The following AOX1 variants were observed in gnomAD, a reference collection of about 807,000 sequenced individuals.
AOX1 encodes aldehyde oxidase 1, also known as aldehyde oxidase.
In AOX1, 153 loss-of-function variants were observed where a neutral mutation model predicts 169.5. That is an observed-to-expected ratio of 0.90 (90% CI 0.79 to 1.03). The LOEUF (loss-of-function observed/expected upper bound fraction) is 1.03, where lower values mean the gene tolerates loss of function less well. AOX1 is among the 50% of genes least tolerant of loss of function. AOX1 has a pLI of 0.00. For missense variants in AOX1, 1,656 were observed against 1,663.9 expected, an observed-to-expected ratio of 1.00 and a Z score of 0.08; for synonymous variants, 562 against 581.9, an observed-to-expected ratio of 0.97 and a Z score of 0.49.
intron 10 of AOX1, among the ~76,000 whole-genome samples, chr2:200,606,951 C>T (rs2034530209): frequency 6.6e-6 from 1 of 152,154 alleles, no homozygotes; most frequent in South Asian, 2.1e-4. Flanking sequence ...GACTCCCTGT[C>T]TTCCTATTTG....
chr2:200,634,164 A>ATTTTTT (rs58341876), intron 20 of AOX1, among the ~76,000 whole-genome samples: 718 of 84,978 alleles, frequency 8.4e-3, no homozygotes, highest in South Asian at 0.011. Context: ...TTTCTTGAGG[A>ATTTTTT]TTTTTTTTTT....
chr2:200,659,931 T>C (rs2035788274), intron 28 of AOX1, 64 bp from the exon 29 acceptor site: 9 of 1,259,164 alleles, frequency 7.1e-6, no homozygotes, highest in Non-Finnish European at 9.2e-6. Flanking sequence ...ACATATTATG[T>C]TGTTTTGAAT....
chr2:200,667,094 G>A (rs1394892305), intron 32 of AOX1, among the ~76,000 whole-genome samples: 1 of 152,196 alleles, frequency 6.6e-6, no homozygotes, highest in East Asian at 1.9e-4. Flanking sequence ...CTTCAGCTTC[G>A]AGGAGTTTGA....
At chr2:200,639,212 C>G (rs2035302543) in intron 23 of AOX1, among the ~76,000 whole-genome samples, 1 of 152,216 alleles carries the variant, frequency 6.6e-6, no homozygotes. Flanking sequence ...TTGGGTATCA[C>G]TGCCCTACAA....
intron 19 of AOX1, 41 bp downstream of exon 19, chr2:200,624,024 GA>G: frequency 6.2e-7 from 1 of 1,609,534 alleles, no homozygotes; most frequent in Non-Finnish European, 8.5e-7. Flanking sequence ...TTGGGAGCCA[GA>G]ACAAATATCA....
intron 12 of AOX1, 98 bp downstream of exon 12, chr2:200,609,512 C>T (rs79229755): frequency 1.0e-6 from 1 of 996,012 alleles, no homozygotes. Flanking sequence ...TGACTTTTCC[C>T]TATAATATCA....
At chr2:200,598,410 C>G (rs1194611122) in intron 4 of AOX1, among the ~76,000 whole-genome samples, 2 of 152,074 alleles carry the variant, frequency 1.3e-5, no homozygotes, top group Non-Finnish European at 2.9e-5. Context: ...AAAAAGGCAT[C>G]TTCAGACACC....
At position 200,609,304 on chromosome 2, in the gene AOX1, C is replaced by G; in HGVS notation, c.1060-17C>G. 1 of 1,603,860 alleles carries G rather than the reference C, an allele frequency of 6.2e-7. No individual in the cohort carries two copies. Among genetic ancestry groups the G allele is most frequent in the Non-Finnish European group, 8.5e-7 (1 of 1,170,994 alleles). ...TTTATGATTACATAAATGAAAATAA[C>G]TCATTATTTTTAAAAGTCTTTAGGG... On this transcript the variant is annotated splice_polypyrimidine_tract_variant and intron_variant, in intron 11 of 34. Transcript: ENST00000374700.
chr2:200,588,510 T>C (rs2106362248), intron 1 of AOX1, among the ~76,000 whole-genome samples: 1 of 152,280 alleles, frequency 6.6e-6, no homozygotes, highest in East Asian at 1.9e-4. Context: ...ATAAGCTAGT[T>C]CTTATCTACG....
At chr2:200,617,292 A>G (rs1434404236) in intron 16 of AOX1, among the ~76,000 whole-genome samples, 1 of 152,162 alleles carries the variant, frequency 6.6e-6, no homozygotes, top group African/African-American at 2.4e-5. Context: ...GAGCAACGTC[A>G]GCACTCACGA....
At chr2:200,661,105 T>C (rs2035810297) in intron 29 of AOX1, among the ~76,000 whole-genome samples, 2 of 152,186 alleles carry the variant, frequency 1.3e-5, no homozygotes, top group African/African-American at 2.4e-5. Flanking sequence ...TTGGTGTAAA[T>C]GGTACAATTT....
At position 200,671,131 on chromosome 2, in the gene AOX1, A is replaced by AAT. The variant is rs1345707181; in HGVS notation, c.*456_*457dup. 6.5e-6 allele frequency: 1 copy of AAT among 154,726 alleles called. No individual in the cohort carries two copies. Among genetic ancestry groups the AAT allele is most frequent in the Non-Finnish European group, 1.4e-5 (1 of 69,620 alleles). 9.6% of individuals were successfully genotyped at this position (154,726 alleles called of 1,614,324 possible). A position where few individuals can be genotyped will look rare whatever the true frequency, so the allele number is the denominator to read the frequency against. On this transcript the variant is annotated 3_prime_UTR_variant, in exon 35 of 35. Coordinates refer to ENST00000374700, the MANE Select transcript of AOX1 (RefSeq NM_001159.4). ...CTATCACCTTCCTCTTGTCAGAATG[A>AAT]ATATAGACACTGTATCTAAGTGGGA... is the stretch of plus-strand genomic sequence containing the variant.
chr2:200,673,195 C>G (rs2036051896), downstream of AOX1, among the ~76,000 whole-genome samples: 1 of 152,268 alleles, frequency 6.6e-6, no homozygotes, highest in South Asian at 2.1e-4. Flanking sequence ...AGCCATGGGC[C>G]CTCTTTCCCA....
rs557077931 is a variant in AOX1 at position 200,607,310 on chromosome 2, C to A, written c.908-1674C>A. 4.6e-5 allele frequency among the ~76,000 whole-genome samples: 7 copies of A among 152,274 alleles called. No homozygotes were observed. In the South Asian group the frequency reaches 1.4e-3, roughly 32 times the overall value. ...TATTGATTTGCATATATTGAACCAG[C>A]CTTGCATCCCTGGGATGAAGCCAAC... On this transcript the variant is annotated intron_variant, in intron 10 of 34. Coordinates refer to ENST00000374700, the MANE Select transcript of AOX1 (RefSeq NM_001159.4).
intron 27 of AOX1, 146 bp downstream of exon 27, chr2:200,657,083 G>A (rs2035703535): frequency 7.4e-6 from 3 of 407,148 alleles, no homozygotes; most frequent in Admixed American, 4.8e-5. Flanking sequence ...CAGCATTTTG[G>A]GAGGCTGGGG....
intron 31 of AOX1, among the ~76,000 whole-genome samples, chr2:200,663,810 C>T (rs2035877280): frequency 6.6e-6 from 1 of 152,178 alleles, no homozygotes; most frequent in Non-Finnish European, 1.5e-5. Context: ...TAGAAGCAAG[C>T]TCTAGTTCTT....
chr2:200,615,954 A>G lies in AOX1; in HGVS notation c.1612-17A>G, dbSNP rs943518794. ...ATTCAAACTATTTAAAATATCTGCA[A>G]TGGTTCTACTTTTCAGGATCCAGTT... On this transcript the variant is annotated splice_polypyrimidine_tract_variant and intron_variant, in intron 15 of 34. Transcript: ENST00000374700. 8 of 1,587,042 alleles carry G rather than the reference A, an allele frequency of 5.0e-6. No homozygotes were observed. The highest frequency in any genetic ancestry group is 2.7e-5 in the African/African-American group (2 of 74,374).
At chr2:200,648,847 T>C (rs997943613) in intron 25 of AOX1, among the ~76,000 whole-genome samples, 9 of 151,992 alleles carry the variant, frequency 5.9e-5, no homozygotes, top group Non-Finnish European at 1.3e-4. Context: ...TGCTGAGTCA[T>C]GCAGGTTGTT....
chr2:200,657,190 A>ATATTTTTT, intron 27 of AOX1, among the ~76,000 whole-genome samples: 16 of 62,878 alleles, frequency 2.5e-4, no homozygotes, highest in African/African-American at 1.0e-3. Flanking sequence ...ATATATATAT[A>ATATTTTTT]TTTTTTTTTT....
Sources: allele counts gnomAD v4.1 joint callset (sites outside exome capture counted in the v4.1 genomes callset), GRCh38; gene constraint gnomAD v4.1.1; transcripts MANE v1.5; gene names NCBI Gene and HGNC (gene_info 2026-07-23, HGNC 2026-07-21).